The following PUS7 variants were observed in gnomAD, a reference collection of about 807,000 sequenced individuals.
PUS7 encodes pseudouridine synthase 7, also known as pseudouridylate synthase 7 homolog.
Under a neutral mutation model 79.8 loss-of-function variants are expected in PUS7, and 48 were observed. That is an observed-to-expected ratio of 0.60 (90% CI 0.48 to 0.76). The LOEUF (loss-of-function observed/expected upper bound fraction) is 0.76. PUS7 is among the 30% of genes least tolerant of loss of function. The pLI is 0.00. For missense variants in PUS7, 729 were observed against 797.6 expected, an observed-to-expected ratio of 0.91 and a Z score of 1.04; for synonymous variants, 286 against 272.2, an observed-to-expected ratio of 1.05 and a Z score of -0.50.
At chr7:105,521,750 C>A (rs897364915) in intron 1 of PUS7, among the ~76,000 whole-genome samples, 1 of 152,130 alleles carries the variant, frequency 6.6e-6, no homozygotes, top group Non-Finnish European at 1.5e-5. Flanking sequence ...CAGCGCCGCG[C>A]GGGGAGGAGG....
intron 4 of PUS7, among the ~76,000 whole-genome samples, chr7:105,505,258 C>T (rs570034088): frequency 1.3e-5 from 2 of 152,174 alleles, no homozygotes; most frequent in Non-Finnish European, 2.9e-5. Context: ...CCACCTTGGC[C>T]TCCCAAAGTG....
At chr7:105,509,942 T>C (rs1325251975) in intron 1 of PUS7, among the ~76,000 whole-genome samples, 1 of 152,164 alleles carries the variant, frequency 6.6e-6, no homozygotes, top group Non-Finnish European at 1.5e-5. Flanking sequence ...CTGTTCTCAC[T>C]CAATAACATG....
chr7:105,456,544 C>T lies in PUS7; in HGVS notation c.*1246G>A, dbSNP rs1212593729. 6.6e-6 allele frequency: 1 copy of T among 152,054 alleles called. No individual in the cohort carries two copies. The highest frequency in any genetic ancestry group is 1.5e-5 in the Non-Finnish European group (1 of 68,026). The allele number at this position is 152,054 out of a possible 1,614,324, so 9.4% of individuals were successfully genotyped here. A position where few individuals can be genotyped will look rare whatever the true frequency, so the allele number is the denominator to read the frequency against. ...TATTTATTTGATTTATTTACATAAC[C>T]AGTAGAAAGGAGATTTTAAAAATAT... On this transcript the variant is annotated 3_prime_UTR_variant, in exon 16 of 16. Transcript: ENST00000469408.
chr7:105,500,259 A>G (rs368758847), intron 5 of PUS7, among the ~76,000 whole-genome samples: 1 of 152,210 alleles, frequency 6.6e-6, no homozygotes, highest in Non-Finnish European at 1.5e-5. Flanking sequence ...CGCACAGCTC[A>G]GTACTTCACT....
chr7:105,471,440 G>A (rs1823869083), intron 10 of PUS7, among the ~76,000 whole-genome samples: 1 of 152,174 alleles, frequency 6.6e-6, no homozygotes, highest in Non-Finnish European at 1.5e-5. Context: ...AGATTTAGTA[G>A]TGAGTGAAGA....
intron 10 of PUS7, among the ~76,000 whole-genome samples, chr7:105,471,748 A>C (rs1184487778): frequency 6.6e-6 from 1 of 152,114 alleles, no homozygotes; most frequent in Non-Finnish European, 1.5e-5. Context: ...CCCTGTCTCT[A>C]CTAAAAATAC....
At chr7:105,463,423 C>A (rs1169785452) in intron 13 of PUS7, among the ~76,000 whole-genome samples, 1 of 152,194 alleles carries the variant, frequency 6.6e-6, no homozygotes, top group Non-Finnish European at 1.5e-5. Flanking sequence ...CTTCTCTAGA[C>A]CAAACAATGC....
intron 8 of PUS7, among the ~76,000 whole-genome samples, chr7:105,482,020 G>A (rs1314541982): frequency 6.6e-6 from 1 of 152,228 alleles, no homozygotes; most frequent in African/African-American, 2.4e-5. Context: ...GTGAGCCACT[G>A]CGCCCAGCCG....
chr7:105,458,921 G>A (rs1470317460), intron 15 of PUS7, among the ~76,000 whole-genome samples: 2 of 152,008 alleles, frequency 1.3e-5, no homozygotes, highest in African/African-American at 2.4e-5. Flanking sequence ...AGTCTCTGTG[G>A]GGGATGGGGA....
At chr7:105,485,350 C>T (rs534595378) in intron 7 of PUS7, among the ~76,000 whole-genome samples, 1 of 152,324 alleles carries the variant, frequency 6.6e-6, no homozygotes, top group African/African-American at 2.4e-5. Context: ...GCTGGGATTA[C>T]AGGCATGCGG....
At chr7:105,507,944 A>T (rs1825538324) in intron 2 of PUS7, among the ~76,000 whole-genome samples, 171 bp downstream of exon 2, 1 of 152,182 alleles carries the variant, frequency 6.6e-6, no homozygotes, top group African/African-American at 2.4e-5. Flanking sequence ...ATTAAAATTT[A>T]AAAATCCAAG....
At chr7:105,458,364 G>A (rs907197204) in intron 15 of PUS7, among the ~76,000 whole-genome samples, 19 of 151,546 alleles carry the variant, frequency 1.3e-4, no homozygotes, top group East Asian at 1.9e-4. Context: ...GGGTTGAAGC[G>A]ATTCTCCTGC....
At chr7:105,491,414 T>C (rs1396512926) in intron 7 of PUS7, 126 bp downstream of exon 7, 5 of 469,166 alleles carry the variant, frequency 1.1e-5, no homozygotes, top group Non-Finnish European at 1.8e-5. Context: ...GAATGAAAAG[T>C]AATTTTTAAA....
chr7:105,511,054 C>T (rs112113523), intron 1 of PUS7, among the ~76,000 whole-genome samples: 9,800 of 149,498 alleles, frequency 0.066, 1,080 homozygotes, highest in African/African-American at 0.22. Flanking sequence ...ATTTTTGAGA[C>T]GGAGTCTCGC....
Position 105,462,303 on chromosome 7 carries a change from G to A in PUS7, c.1757+318C>T, listed in dbSNP as rs139829368. 1,090 of 231,420 alleles carry A rather than the reference G, an allele frequency of 4.7e-3. 14 individuals are homozygous for A. Among genetic ancestry groups the A allele is most frequent in the African/African-American group, 0.024 (1,010 of 42,718 alleles). The allele number at this position is 231,420 out of a possible 1,614,324, so 14.3% of individuals were successfully genotyped here. ...AAAAATTATCCAGGTGTGGTGGCAG[G>A]TGCCTGTAATCCTAGCTACTCTGGA... On this transcript the variant is annotated intron_variant, in intron 14 of 15. Transcript: ENST00000469408.
chr7:105,472,982 C>T (rs1338800368), intron 9 of PUS7, among the ~76,000 whole-genome samples: 2 of 146,792 alleles, frequency 1.4e-5, no homozygotes, highest in East Asian at 2.0e-4. Context: ...AGGCTGGTCT[C>T]GAACTCCTGA....
intron 11 of PUS7, among the ~76,000 whole-genome samples, chr7:105,468,719 T>C (rs925014275): frequency 1.6e-4 from 24 of 150,470 alleles, no homozygotes; most frequent in Non-Finnish European, 3.6e-4. Flanking sequence ...GGTTTCACCA[T>C]GTTGGCCAGG....
intron 9 of PUS7, among the ~76,000 whole-genome samples, chr7:105,476,957 T>G (rs1391704724): frequency 6.6e-6 from 1 of 152,234 alleles, no homozygotes; most frequent in African/African-American, 2.4e-5. Flanking sequence ...TGAGTTGTTC[T>G]TTATATATTC....
At chr7:105,514,777 T>C (rs1335703734) in intron 1 of PUS7, among the ~76,000 whole-genome samples, 1 of 151,784 alleles carries the variant, frequency 6.6e-6, no homozygotes, top group African/African-American at 2.4e-5. Flanking sequence ...TTCCATATAA[T>C]AACTAAAAAT....
Sources: gnomAD v4.1 joint callset for allele counts (sites outside exome capture counted in the v4.1 genomes callset) on GRCh38, gnomAD v4.1.1 for gene constraint, MANE v1.5 for transcripts, NCBI Gene and HGNC (gene_info 2026-07-23, HGNC 2026-07-21) for gene names.